The following ERC2 variants were observed in gnomAD, a reference collection of about 807,000 sequenced individuals.
The protein encoded by ERC2 is ERC protein 2.
In ERC2, 42 loss-of-function variants were observed where a neutral mutation model predicts 114.8. The observed-to-expected ratio is 0.37, with a 90% CI of 0.29 to 0.47. The LOEUF (loss-of-function observed/expected upper bound fraction) is 0.47, where lower values mean the gene tolerates loss of function less well. Among genes scored for constraint, ERC2 ranks in the 20% least tolerant of loss-of-function variants. The pLI is 0.99. For missense variants in ERC2, 939 were observed against 1,150.7 expected (o/e 0.82, Z 2.66); for synonymous variants, 454 against 425.5 (o/e 1.07, Z -0.82).
chr3:55,566,213 C>CT (rs1354118098), intron 17 of ERC2, among the ~76,000 whole-genome samples: 1 of 152,188 alleles, frequency 6.6e-6, no homozygotes, highest in Non-Finnish European at 1.5e-5. Flanking sequence ...CCATAATGTC[C>CT]TATCTGCGAT....
At chr3:55,810,046 G>A (rs769206559) in intron 14 of ERC2, among the ~76,000 whole-genome samples, 5 of 152,160 alleles carry the variant, frequency 3.3e-5, no homozygotes, top group Non-Finnish European at 5.9e-5. Flanking sequence ...CACAAGATAT[G>A]TTTAACTCAC....
rs377506010 is a variant in ERC2, at chr3:55,631,103, GGTTTA to G, written c.*39+52686_*39+52690del. 6.0e-4 allele frequency among the ~76,000 whole-genome samples: 92 copies of G among 152,156 alleles called. 2 individuals carry two copies. The South Asian group carries it at 0.019, about 31-fold the overall frequency. On this transcript the variant is annotated intron_variant, in intron 17 of 17. Coordinates refer to ENST00000288221, the MANE Select transcript of ERC2 (RefSeq NM_015576.3). The stretch of plus-strand genomic sequence containing the variant: ...GTTAAGTAAGTGATTGTCTCATGGT[GGTTTA>G]GTTCAATACTAGGGGACACACACCA...
Position 56,033,039 on chromosome 3 carries a change from AG to A in ERC2, c.1642-14009del, listed in dbSNP as rs1459347792. Among the ~76,000 whole-genome samples, 756 of 76,036 alleles carry A rather than the reference AG, an allele frequency of 9.9e-3. 4 individuals carry two copies. Among genetic ancestry groups the A allele is most frequent in the South Asian group, 0.019 (41 of 2,136 alleles). 49.9% of individuals were successfully genotyped at this position (76,036 alleles called of 152,430 possible). A position where few individuals can be genotyped will look rare whatever the true frequency, so the allele number is the denominator to read the frequency against. On this transcript the variant is annotated intron_variant, in intron 7 of 17. Transcript: ENST00000288221. ...AGAAAGAAAAAAGAAACAGAAAGAA[AG>A]AAAGAAAGAAAGAAAGAAAGAAAGA...
intron 17 of ERC2, among the ~76,000 whole-genome samples, chr3:55,632,310 G>A (rs2059788172): frequency 6.6e-6 from 1 of 152,222 alleles, no homozygotes; most frequent in African/African-American, 2.4e-5. Flanking sequence ...TCTTGGTCCA[G>A]TTGTACCTGA....
intron 6 of ERC2, among the ~76,000 whole-genome samples, chr3:56,088,044 A>G (rs1353715256): frequency 6.6e-6 from 1 of 152,094 alleles, no homozygotes; most frequent in Non-Finnish European, 1.5e-5. Flanking sequence ...GGAAGATGAA[A>G]CGCTGTGTTT....
rs577645939 is a variant in ERC2, at chr3:55,593,943, GTCAGATGCCAGCATTGACCCT to G, written c.*40-82688_*40-82668del. On this transcript the variant is annotated intron_variant, in intron 17 of 17. Coordinates refer to ENST00000288221, the MANE Select transcript of ERC2 (RefSeq NM_015576.3). Reference sequence around the variant, plus strand: ...TCTTTTACCATCACAGTGATACTGTGTCAGATGCCAGCATTGACCCTTCAGTGCCAGAAGTTACGGTCCTGC... The same window carrying G: ...TCTTTTACCATCACAGTGATACTGTGTCAGTGCCAGAAGTTACGGTCCTGC... Among the ~76,000 whole-genome samples the G allele has an allele frequency of 2.4e-4, 36 of 152,190 alleles. No homozygotes were observed. The East Asian group carries it at 6.6e-3, about 28-fold the overall frequency.
chr3:55,529,330 G>A (rs1208307994), intron 17 of ERC2, among the ~76,000 whole-genome samples: 1 of 152,222 alleles, frequency 6.6e-6, no homozygotes, highest in East Asian at 1.9e-4. Flanking sequence ...CTCCTGGATT[G>A]ACTATGGAGC....
chr3:55,683,752 T>C, intron 17 of ERC2, 42 bp downstream of exon 17: 1 of 1,513,790 alleles, frequency 6.6e-7, no homozygotes, highest in Non-Finnish European at 9.1e-7. Flanking sequence ...AACACTAGAA[T>C]GCAATTTTTT....
chr3:55,787,864 A>G (rs928901048), intron 14 of ERC2, among the ~76,000 whole-genome samples: 1 of 152,198 alleles, frequency 6.6e-6, no homozygotes, highest in Admixed American at 6.5e-5. Context: ...TGGGCTTTCT[A>G]ATTCCTGGGA....
chr3:56,443,450 C>A (rs1271603673), intron 1 of ERC2, among the ~76,000 whole-genome samples: 1 of 152,172 alleles, frequency 6.6e-6, no homozygotes, highest in Non-Finnish European at 1.5e-5. Flanking sequence ...TCACCCCCGG[C>A]TGCAGCACAT....
intron 14 of ERC2, among the ~76,000 whole-genome samples, chr3:55,777,277 A>C (rs113101822): frequency 0.067 from 9,809 of 146,920 alleles, 497 homozygotes; most frequent in African/African-American, 0.14. Flanking sequence ...TGGGGTAACA[A>C]CCTGCAGAAA....
At chr3:55,534,080 C>T (rs2053839403) in intron 17 of ERC2, among the ~76,000 whole-genome samples, 1 of 152,150 alleles carries the variant, frequency 6.6e-6, no homozygotes, top group Non-Finnish European at 1.5e-5. Flanking sequence ...ATAACAGGAA[C>T]TCCACACTGG....
intron 17 of ERC2, among the ~76,000 whole-genome samples, chr3:55,533,155 A>C (rs1056525742): frequency 2.6e-5 from 4 of 152,212 alleles, no homozygotes; most frequent in Admixed American, 2.6e-4. Context: ...GGGTTAGCAA[A>C]TCCTGTGTCC....
chr3:56,149,685 T>A (rs1238204915), intron 4 of ERC2, among the ~76,000 whole-genome samples: 1 of 152,214 alleles, frequency 6.6e-6, no homozygotes, highest in Non-Finnish European at 1.5e-5. Context: ...TTGGTATGAC[T>A]GATACACTAA....
intron 3 of ERC2, among the ~76,000 whole-genome samples, chr3:56,202,501 CTT>C (rs11457828): frequency 7.1e-6 from 1 of 141,086 alleles, no homozygotes. Flanking sequence ...TAAACTCAAG[CTT>C]TTTTTTTTTT....
At chr3:56,461,054 A>G (rs1459472996) in intron 1 of ERC2, among the ~76,000 whole-genome samples, 1 of 151,666 alleles carries the variant, frequency 6.6e-6, no homozygotes. Flanking sequence ...GTCTTCAGGA[A>G]CTTTTTAAGC....
chr3:56,102,475 T>C (rs554419063), intron 6 of ERC2, among the ~76,000 whole-genome samples: 1 of 152,278 alleles, frequency 6.6e-6, no homozygotes, highest in South Asian at 2.1e-4. Context: ...GGGGACTGGA[T>C]TCACCCCACA....
At chr3:55,770,798 C>G (rs940686065) in intron 14 of ERC2, among the ~76,000 whole-genome samples, 1 of 151,224 alleles carries the variant, frequency 6.6e-6, no homozygotes, top group African/African-American at 2.4e-5. Flanking sequence ...CCTCCCCTTG[C>G]CCCCCACCCC....
intron 14 of ERC2, among the ~76,000 whole-genome samples, chr3:55,737,646 C>A (rs988568636): frequency 6.6e-6 from 1 of 152,164 alleles, no homozygotes; most frequent in Admixed American, 6.5e-5. Flanking sequence ...ACCTCTACAA[C>A]GGCATCTTTA....
Sources: gnomAD v4.1 joint callset for allele counts (sites outside exome capture counted in the v4.1 genomes callset) on GRCh38, gnomAD v4.1.1 for gene constraint, MANE v1.5 for transcripts, NCBI Gene and HGNC (gene_info 2026-07-23, HGNC 2026-07-21) for gene names.